Variants in LMF1 observed in about 807,000 individuals in gnomAD.
The protein encoded by LMF1 is transmembrane protein 112.
Under a neutral mutation model 60.6 loss-of-function variants are expected in LMF1, and 68 were observed. That is an observed-to-expected ratio of 1.12 (90% CI 0.92 to 1.37). The LOEUF is 1.37. Among genes scored for constraint, LMF1 ranks in the 40% most tolerant of loss-of-function variants. LMF1 has a pLI of 0.00. For missense variants in LMF1, 948 were observed against 767.2 expected, an observed-to-expected ratio of 1.24 and a Z score of -2.78; for synonymous variants, 418 against 324.7, an observed-to-expected ratio of 1.29 and a Z score of -3.09.
chr16:979,851 C>T (rs2151513938), intron 1 of LMF1: 1 of 439,836 alleles, frequency 2.3e-6, no homozygotes, highest in East Asian at 7.1e-5. Flanking sequence ...TTCTGCCTGC[C>T]TGCATCCCAG....
In LMF1 at chr16:948,920, C is replaced by CAG. The variant is rs1408773086; in HGVS notation, c.503+5435_503+5436dup. The stretch of plus-strand genomic sequence containing the variant: ...CGACAGAGTCAGCCAACGACAGAGT[C>CAG]AGCCAACGACAGAGTCAGAGCCAAG... On this transcript the variant is annotated intron_variant, in intron 2 of 10. Coordinates refer to ENST00000262301, the MANE Select transcript of LMF1 (RefSeq NM_022773.4). 1.2e-4 allele frequency among the ~76,000 whole-genome samples: 11 copies of CAG among 91,346 alleles called. 3 individuals are homozygous for CAG. Among genetic ancestry groups the CAG allele is most frequent in the Non-Finnish European group, 2.2e-4 (11 of 50,458 alleles). 59.9% of individuals were successfully genotyped at this position (91,346 alleles called of 152,430 possible).
chr16:887,516 AGGCTGCTCTAGGCAGCAG>A (rs1318093646), intron 5 of LMF1, among the ~76,000 whole-genome samples: 1 of 152,128 alleles, frequency 6.6e-6, no homozygotes, highest in African/African-American at 2.4e-5. Flanking sequence ...TCTGTCAGCA[AGGCTGCTCTAGGCAGCAG>A]GGCCATGTCC....
At chr16:951,996 A>C (rs1341068089) in intron 2 of LMF1, among the ~76,000 whole-genome samples, 1 of 151,838 alleles carries the variant, frequency 6.6e-6, no homozygotes, top group Non-Finnish European at 1.5e-5. Flanking sequence ...CTCCCGTGAG[A>C]GCGCCTGACC....
rs199702457 is a variant in LMF1, at chr16:911,042, C to G, written c.552G>C (p.Gly184=). Residue 184 remains glycine (G), a synonymous_variant, in exon 4 of 11, where the codon GGG becomes GGC. Coordinates refer to ENST00000262301, the MANE Select transcript of LMF1 (RefSeq NM_022773.4). ...ESQLLETGFL[G]IFLCPLWTLS... ...GCGTCCACAGAGGGCACAGGAAGATCCCCAGGAACCCCGTCTCCAGAAGCT... is the reference window on the plus strand; with the variant it reads ...GCGTCCACAGAGGGCACAGGAAGATGCCCAGGAACCCCGTCTCCAGAAGCT... The G allele has an allele frequency of 1.3e-3, 2,145 of 1,612,862 alleles. 4 individuals are homozygous for G. Among genetic ancestry groups the G allele is most frequent in the South Asian group, 2.1e-3 (187 of 91,014 alleles).
intron 4 of LMF1, among the ~76,000 whole-genome samples, chr16:894,165 A>C (rs1489470006): frequency 4.8e-4 from 21 of 43,538 alleles, no homozygotes; most frequent in Middle Eastern, 0.016. Context: ...CCGTCCGCCC[A>C]CCCGTCCCCC....
intron 2 of LMF1, chr16:947,432 T>C (rs1040566155): frequency 4.4e-5 from 20 of 455,000 alleles, no homozygotes; most frequent in Admixed American, 1.7e-4. Context: ...ATGCTGTTCA[T>C]CGTCAGTGAG....
rs1315477277 is a variant in LMF1, at chr16:954,675, AAAAG to A, written c.194-13_194-10del. 1.9e-6 allele frequency: 3 copies of A among 1,576,526 alleles called. No homozygotes were observed. In the African/African-American group the frequency reaches 4.1e-5, roughly 21 times the overall value. On this transcript the variant is annotated splice_polypyrimidine_tract_variant and intron_variant, in intron 1 of 10. Coordinates refer to ENST00000262301, the MANE Select transcript of LMF1 (RefSeq NM_022773.4). ...CACCAGGAATGCCACGACTGGAAGA[AAAAG>A]AAGACAAAACAAGCATGACTAGGAA...
At position 976,300 on chromosome 16, in the gene LMF1, G is replaced by A. The variant is rs141047722; in HGVS notation, c.-135+4845C>T. The A allele has an allele frequency of 1.7e-4, 79 of 452,242 alleles. 2 individuals are homozygous for A. In the East Asian group the frequency reaches 5.4e-3, roughly 31 times the overall value. The allele number at this position is 452,242 out of a possible 1,614,324, so 28.0% of individuals were successfully genotyped here. A position where few individuals can be genotyped will look rare whatever the true frequency, so the allele number is the denominator to read the frequency against. ...GGGATGAGGGCCCAGAACGAGGCTG[G>A]GGTCTGGGGTTCAGTGGAGCAATGA... On this transcript the variant is annotated intron_variant, in intron 1 of 6. Transcript: ENST00000570014.
At chr16:862,824 C>G (rs756885376) in intron 10 of LMF1, among the ~76,000 whole-genome samples, 1 of 150,942 alleles carries the variant, frequency 6.6e-6, no homozygotes, top group Non-Finnish European at 1.5e-5. Flanking sequence ...TGCCATTGCA[C>G]TCCAGCCTGG....
intron 1 of LMF1, among the ~76,000 whole-genome samples, chr16:970,064 A>G (rs746368688): frequency 1.1e-4 from 16 of 152,214 alleles, no homozygotes; most frequent in Non-Finnish European, 2.2e-4. Flanking sequence ...CACATCCCAC[A>G]GTGAGGCGCA....
chr16:971,210 T>C (rs1473704213), upstream of LMF1, among the ~76,000 whole-genome samples: 5 of 152,276 alleles, frequency 3.3e-5, no homozygotes, highest in East Asian at 9.7e-4. Flanking sequence ...TGGGCGCTGC[T>C]GCGGGTAGGG....
intron 1 of LMF1, among the ~76,000 whole-genome samples, chr16:977,863 C>T (rs1268638429): frequency 1.3e-5 from 2 of 148,558 alleles, no homozygotes; most frequent in Admixed American, 1.3e-4. Flanking sequence ...CCACACATCA[C>T]AAACACACCC....
rs2073207521 is a variant in LMF1, at chr16:977,989, C to CGT, written c.-135+3155_-135+3156insAC. Reference sequence around the variant, plus strand: ...ATACACACACCCCACCACACACATACACGCACACACACACACCACACACAC... The same window carrying CGT: ...ATACACACACCCCACCACACACATACGTACGCACACACACACACCACACACAC... On this transcript the variant is annotated intron_variant, in intron 1 of 6. Transcript: ENST00000570014. 5.1e-5 allele frequency among the ~76,000 whole-genome samples: 7 copies of CGT among 136,730 alleles called. 1 individual carries two copies. The highest frequency in any genetic ancestry group is 5.1e-4 in the Admixed American group (7 of 13,814). The allele number at this position is 136,730 out of a possible 152,430, so 89.7% of individuals were successfully genotyped here.
intron 1 of LMF1, among the ~76,000 whole-genome samples, chr16:978,064 A>G (rs1026795149): frequency 2.1e-5 from 3 of 140,580 alleles, no homozygotes; most frequent in Non-Finnish European, 4.6e-5. Flanking sequence ...ACACACCCAC[A>G]CCCTGCACAC....
intron 5 of LMF1, 130 bp from the exon 6 acceptor site, chr16:879,867 C>A: frequency 1.1e-6 from 1 of 881,804 alleles, no homozygotes; most frequent in Non-Finnish European, 1.7e-6. Flanking sequence ...CCCGCCTGGC[C>A]CTGCACACGT....
Position 937,359 on chromosome 16 carries a change from G to T in LMF1, c.504-3105C>A, listed in dbSNP as rs5015438. On this transcript the variant is annotated intron_variant, in intron 2 of 10. Coordinates refer to ENST00000262301, the MANE Select transcript of LMF1 (RefSeq NM_022773.4). ...TTTAAAGAAACTCAAGTCCTTTCCTGGACAGTGGGACGTAGATTTTGCTTT... is the reference window on the plus strand; with the variant it reads ...TTTAAAGAAACTCAAGTCCTTTCCTTGACAGTGGGACGTAGATTTTGCTTT... Among the ~76,000 whole-genome samples the T allele has an allele frequency of 3.9e-4, 60 of 152,268 alleles. No individual in the cohort carries two copies. The South Asian group carries it at 7.7e-3, about 19-fold the overall frequency.
chr16:870,443 C>T (rs182521566), intron 8 of LMF1, among the ~76,000 whole-genome samples: 1 of 152,334 alleles, frequency 6.6e-6, no homozygotes, highest in East Asian at 1.9e-4. Context: ...GGGTTGGGGC[C>T]TGGTGGCCTC....
At chr16:902,277 C>T (rs973979599) in intron 4 of LMF1, 4 of 152,500 alleles carry the variant, frequency 2.6e-5, no homozygotes, top group African/African-American at 9.6e-5. Context: ...CCAGCCCCCG[C>T]AGGCCGATGC....
At chr16:928,322 T>C (rs902752095) in intron 3 of LMF1, among the ~76,000 whole-genome samples, 10 of 152,164 alleles carry the variant, frequency 6.6e-5, no homozygotes, top group Non-Finnish European at 8.8e-5. Context: ...CCAGCTGGCA[T>C]TGGCCTTCCA....
Sources: gnomAD v4.1 joint callset for allele counts (sites outside exome capture counted in the v4.1 genomes callset) on GRCh38, gnomAD v4.1.1 for gene constraint, MANE v1.5 for transcripts, NCBI Gene and HGNC (gene_info 2026-07-23, HGNC 2026-07-21) for gene names.